The following C3orf49 variants were observed in gnomAD, a reference collection of about 807,000 sequenced individuals.
C3orf49 encodes putative uncharacterized protein C3orf49.
A neutral mutation model predicts 13.3 loss-of-function variants in C3orf49; 27 were observed. The ratio of observed to expected loss-of-function variants is 2.02; its 90% CI spans 1.49 to 2.79. C3orf49 has a LOEUF of 2.79. Among genes scored for constraint, C3orf49 ranks in the 30% most tolerant of loss-of-function variants. The pLI is 0.00. For synonymous variants in C3orf49, 87 were observed against 47.6 expected (o/e 1.83, Z -3.40); for missense variants, 242 against 134.2 (o/e 1.80, Z -3.97).
chr3:63,838,452 A>T, intron 5 of C3orf49: 1 of 1,610,584 alleles, frequency 6.2e-7, no homozygotes. Flanking sequence ...GCCCATTGAA[A>T]ATTCACATTG....
At chr3:63,822,725 C>G (rs558006960) in intron 1 of C3orf49, among the ~76,000 whole-genome samples, 1 of 152,288 alleles carries the variant, frequency 6.6e-6, no homozygotes, top group Non-Finnish European at 1.5e-5. Context: ...AGTATGTTAT[C>G]TAAATGAGTG....
chr3:63,781,932 A>G, the C3orf49 span, among the ~76,000 whole-genome samples: 2 of 152,224 alleles, frequency 1.3e-5, no homozygotes, highest in Non-Finnish European at 2.9e-5. Context: ...ATTGTAAGAC[A>G]TTAGGTAACT....
At chr3:63,808,528 C>T in the C3orf49 span, among the ~76,000 whole-genome samples, 2 of 152,122 alleles carry the variant, frequency 1.3e-5, no homozygotes, top group African/African-American at 4.8e-5. Context: ...TTAATTTCAG[C>T]TGAGCTTTTT....
intron 1 of C3orf49, among the ~76,000 whole-genome samples, chr3:63,821,983 T>C (rs563124679): frequency 3.3e-5 from 5 of 152,132 alleles, no homozygotes; most frequent in Admixed American, 1.3e-4. Context: ...TTCTTTTTTT[T>C]TTGTTTTTTT....
intron 3 of C3orf49, among the ~76,000 whole-genome samples, chr3:63,828,589 C>T (rs1052869220): frequency 7.9e-5 from 12 of 152,134 alleles, no homozygotes; most frequent in African/African-American, 2.7e-4. Flanking sequence ...TGTAAGCCAC[C>T]GTTACTGGCC....
chr3:63,787,785 G>C, the C3orf49 span, among the ~76,000 whole-genome samples: 1 of 152,082 alleles, frequency 6.6e-6, no homozygotes, highest in Non-Finnish European at 1.5e-5. Context: ...CCATCAACTG[G>C]TGAAGAAATA....
intron 5 of C3orf49, chr3:63,833,909 G>T: frequency 2.2e-6 from 1 of 450,804 alleles, no homozygotes; most frequent in Non-Finnish European, 3.9e-6. Context: ...TTTGGATGTT[G>T]CTTCCTACCA....
At chr3:63,834,243 A>G (rs775179993) in intron 5 of C3orf49, 9 of 1,587,054 alleles carry the variant, frequency 5.7e-6, no homozygotes, top group Admixed American at 3.3e-5. Context: ...AAGTTTGCCT[A>G]TATTTTATAT....
At chr3:63,783,118 G>A in the C3orf49 span, 5 of 152,208 alleles carry the variant, frequency 3.3e-5, no homozygotes, top group East Asian at 9.7e-4. Context: ...GACTGTCCAG[G>A]TCCAGAGATT....
chr3:63,805,556 A>C, the C3orf49 span, among the ~76,000 whole-genome samples: 1 of 152,232 alleles, frequency 6.6e-6, no homozygotes, highest in Non-Finnish European at 1.5e-5. Context: ...AACCAGCATA[A>C]GCTTCATGTT....
chr3:63,790,038 T>C, the C3orf49 span, among the ~76,000 whole-genome samples: 1 of 152,150 alleles, frequency 6.6e-6, no homozygotes, highest in Non-Finnish European at 1.5e-5. Context: ...TGAACCACTC[T>C]AATACATTGT....
At chr3:63,816,673 A>G (rs1280415880), upstream of C3orf49, among the ~76,000 whole-genome samples, 1 of 152,114 alleles carries the variant, frequency 6.6e-6, no homozygotes, top group African/African-American at 2.4e-5. Context: ...TTTGATCTAT[A>G]GGACTCAAGA....
the C3orf49 span, among the ~76,000 whole-genome samples, chr3:63,785,615 T>C: frequency 6.6e-6 from 1 of 152,020 alleles, no homozygotes; most frequent in Non-Finnish European, 1.5e-5. Context: ...GGAGATGGCA[T>C]GTGTGTGCAT....
chr3:63,838,179 A>T (rs1040013469), intron 5 of C3orf49: 37 of 1,047,536 alleles, frequency 3.5e-5, no homozygotes, highest in Non-Finnish European at 4.5e-5. Flanking sequence ...TAGTATTTTT[A>T]AAAAATAGCT....
the C3orf49 span, chr3:63,782,653 T>C: frequency 6.6e-6 from 1 of 152,236 alleles, no homozygotes; most frequent in East Asian, 1.9e-4. Flanking sequence ...TTCATCTAGT[T>C]AAAATGTCAA....
chr3:63,824,426 T>A (rs1701440214), intron 2 of C3orf49, among the ~76,000 whole-genome samples: 1 of 152,182 alleles, frequency 6.6e-6, no homozygotes, highest in Non-Finnish European at 1.5e-5. Flanking sequence ...AGAATTAATA[T>A]TTGAACTGTT....
intron 6 of C3orf49, among the ~76,000 whole-genome samples, 197 bp from the exon 7 acceptor site, chr3:63,848,167 G>A (rs1701941047): frequency 6.6e-6 from 1 of 152,154 alleles, no homozygotes; most frequent in South Asian, 2.1e-4. Flanking sequence ...TCTACATTCT[G>A]TGGAGAATCC....
intron 1 of C3orf49, among the ~76,000 whole-genome samples, chr3:63,823,014 C>T (rs191031215): frequency 6.6e-4 from 100 of 152,286 alleles, no homozygotes; most frequent in African/African-American, 2.3e-3. Context: ...TATAACCTAC[C>T]TCTAACAGTA....
chr3:63,827,262 G>T (rs192088169), intron 2 of C3orf49: 1 of 176,576 alleles, frequency 5.7e-6, no homozygotes, highest in East Asian at 1.5e-4. Context: ...AATCCACAAT[G>T]AATACCCAAG....
Sources: gnomAD v4.1 joint callset for allele counts (sites outside exome capture counted in the v4.1 genomes callset) on GRCh38, gnomAD v4.1.1 for gene constraint, MANE v1.5 for transcripts, NCBI Gene and HGNC (gene_info 2026-07-23, HGNC 2026-07-21) for gene names.